USB1: variants seen among roughly 807,000 people sequenced by gnomAD.
USB1 encodes the protein U6 snRNA biogenesis phosphodiesterase 1.
In USB1, 21 loss-of-function variants were observed where a neutral mutation model predicts 29.9. The observed-to-expected ratio is 0.70, with a 90% CI of 0.50 to 1.01. The LOEUF (loss-of-function observed/expected upper bound fraction) is 1.01. USB1 is among the 50% of genes least tolerant of loss of function. The pLI, the probability that USB1 is intolerant of heterozygous loss-of-function variation, is 0.00. For synonymous variants in USB1, 143 were observed against 134.9 expected (o/e 1.06, Z -0.42); for missense variants, 330 against 347.1 (o/e 0.95, Z 0.39).
chr16:58,009,204 T>C (rs1963432838), intron 2 of USB1, among the ~76,000 whole-genome samples: 2 of 152,180 alleles, frequency 1.3e-5, no homozygotes, highest in Non-Finnish European at 2.9e-5. Flanking sequence ...AGAATCCTTC[T>C]GTAGTCCTGT....
intron 2 of USB1, among the ~76,000 whole-genome samples, chr16:58,008,635 T>G (rs1331565975): frequency 1.3e-5 from 2 of 152,034 alleles, no homozygotes; most frequent in East Asian, 3.8e-4. Flanking sequence ...GTATTTTTAG[T>G]AGAGACGGGG....
chr16:58,002,006 G>T (rs1963219372), intron 1 of USB1, among the ~76,000 whole-genome samples: 1 of 152,234 alleles, frequency 6.6e-6, no homozygotes, highest in Non-Finnish European at 1.5e-5. Flanking sequence ...ATTCAGTGGT[G>T]AACAAAACCG....
chr16:58,008,732 C>T (rs1963422276), intron 2 of USB1, among the ~76,000 whole-genome samples: 1 of 152,142 alleles, frequency 6.6e-6, no homozygotes, highest in African/African-American at 2.4e-5. Flanking sequence ...GAATTACAGG[C>T]GTGAGCCACC....
chr16:58,000,983 C>T (rs1346207091), upstream of USB1, among the ~76,000 whole-genome samples: 1 of 152,090 alleles, frequency 6.6e-6, no homozygotes, highest in African/African-American at 2.4e-5. The surrounding 1 kb of genome is among the most constrained non-coding windows in gnomAD (Gnocchi z 4.5). Context: ...CCTAGAGGCT[C>T]TGGTCTGCCA....
intron 2 of USB1, among the ~76,000 whole-genome samples, chr16:58,002,875 T>G (rs1427449749): frequency 6.6e-6 from 1 of 152,170 alleles, no homozygotes; most frequent in Non-Finnish European, 1.5e-5. Flanking sequence ...GGTATAATAT[T>G]CTCCCTGTTC....
chr16:58,020,347 C>A lies in USB1; in HGVS notation c.*102C>A, dbSNP rs772110530. The stretch of plus-strand genomic sequence containing the variant: ...TGCTTCTAGCCTCCCAGTAGGAGGC[C>A]CCAGCCATGCCTTCAACCTGGCAGG... On this transcript the variant is annotated 3_prime_UTR_variant, in exon 7 of 7. Coordinates refer to ENST00000219281, the MANE Select transcript of USB1 (RefSeq NM_024598.4). The A allele has an allele frequency of 2.1e-5, 23 of 1,082,234 alleles. No homozygotes were observed. Among genetic ancestry groups the A allele is most frequent in the Non-Finnish European group, 2.9e-5 (21 of 717,020 alleles). The allele number at this position is 1,082,234 out of a possible 1,614,324, so 67.0% of individuals were successfully genotyped here.
rs1006816334 is a variant in USB1 at position 58,012,780 on chromosome 16, TGC to T, written c.450-1490_450-1489del. 38 of 1,008,994 alleles carry T rather than the reference TGC, an allele frequency of 3.8e-5. No homozygotes were observed. The African/African-American group carries it at 6.5e-4, about 17-fold the overall frequency. The allele number at this position is 1,008,994 out of a possible 1,614,324, so 62.5% of individuals were successfully genotyped here. On this transcript the variant is annotated intron_variant, in intron 3 of 6. Transcript: ENST00000219281. ...GTGCTGATGACTGGCACACTGCACT[TGC>T]GCTAGGAAGACAGCATGAACTGCAC...
At position 58,017,442 on chromosome 16, in the gene USB1, A is replaced by G. The variant is rs1963643396; in HGVS notation, c.609+3A>G. Reference sequence around the variant, plus strand: ...TCAACCTCACCACTTTCTACCAGGTAATGAATGGGGCTGCTGCTTCTCCAT... The same window carrying G: ...TCAACCTCACCACTTTCTACCAGGTGATGAATGGGGCTGCTGCTTCTCCAT... On this transcript the variant is annotated splice_donor_region_variant and intron_variant, in intron 5 of 6. Transcript: ENST00000219281. 3 of 1,611,556 alleles carry G rather than the reference A, an allele frequency of 1.9e-6. No homozygotes were observed. Among genetic ancestry groups the G allele is most frequent in the African/African-American group, 2.7e-5 (2 of 74,992 alleles).
intron 3 of USB1, chr16:58,012,054 C>CA: frequency 7.8e-7 from 1 of 1,275,248 alleles, no homozygotes; most frequent in South Asian, 2.9e-5. Flanking sequence ...CAGAAATAAA[C>CA]AGTCTTCTAG....
Position 58,001,454 on chromosome 16 carries a change from A to G in USB1, c.-30A>G, listed in dbSNP as rs778195515. 1 of 1,577,092 alleles carries G rather than the reference A, an allele frequency of 6.3e-7. No individual in the cohort carries two copies. Among genetic ancestry groups the G allele is most frequent in the South Asian group, 1.2e-5 (1 of 86,218 alleles). On this transcript the variant is annotated 5_prime_UTR_variant, in exon 1 of 7. Transcript: ENST00000219281. ...GGGTGCCGGTTGAGGTTGCTGGTGG[A>G]CCTGCTCTGGTGGTCTTGGATGAGG...
At chr16:58,012,595 T>A (rs1792651830) in intron 3 of USB1, 2 of 1,387,494 alleles carry the variant, frequency 1.4e-6, no homozygotes, top group Non-Finnish European at 1.9e-6. Flanking sequence ...TCTGATTGGC[T>A]TCAGCACAAG....
chr16:58,012,866 C>G (rs766807078), intron 3 of USB1: 1 of 987,138 alleles, frequency 1.0e-6, no homozygotes, highest in African/African-American at 1.7e-5. Context: ...TAACTGGGCA[C>G]GAGTCCCTTG....
chr16:58,020,605 CTG>C lies in USB1; in HGVS notation c.*362_*363del. On this transcript the variant is annotated 3_prime_UTR_variant, in exon 7 of 7. Coordinates refer to ENST00000219281, the MANE Select transcript of USB1 (RefSeq NM_024598.4). ...TCTTCCTCTCCTCTCTCTACCCCTCCTGTCTCTCCTCCCCTCCTCTCTCTTCC... is the reference window on the plus strand; with the variant it reads ...TCTTCCTCTCCTCTCTCTACCCCTCCTCTCTCCTCCCCTCCTCTCTCTTCC... The C allele has an allele frequency of 3.0e-6, 1 of 334,308 alleles. No homozygotes were observed. Among genetic ancestry groups the C allele is most frequent in the Non-Finnish European group, 5.7e-6 (1 of 176,822 alleles). 20.7% of individuals were successfully genotyped at this position (334,308 alleles called of 1,614,324 possible). A position where few individuals can be genotyped will look rare whatever the true frequency, so the allele number is the denominator to read the frequency against.
At chr16:58,014,898 GA>G (rs1963579767) in intron 4 of USB1, among the ~76,000 whole-genome samples, 2 of 152,070 alleles carry the variant, frequency 1.3e-5, no homozygotes, top group Admixed American at 1.3e-4. Context: ...CTGACATGGC[GA>G]AACCCCATCT....
chr16:58,007,903 A>C (rs1477115592), intron 2 of USB1, among the ~76,000 whole-genome samples: 3 of 152,088 alleles, frequency 2.0e-5, no homozygotes, highest in Non-Finnish European at 4.4e-5. Context: ...GAATCGCTTG[A>C]ACCTGGGAGG....
At chr16:58,010,299 A>AC in intron 3 of USB1, 187 bp downstream of exon 3, 1 of 665,090 alleles carries the variant, frequency 1.5e-6, no homozygotes. Flanking sequence ...AGCTCTTGAC[A>AC]CCCCTGATGC....
At chr16:58,012,502 T>C in intron 3 of USB1, 1 of 1,190,664 alleles carries the variant, frequency 8.4e-7, no homozygotes, top group Non-Finnish European at 1.2e-6. Context: ...CCATCTCAGC[T>C]CTGTCCCCTT....
intron 4 of USB1, chr16:58,015,080 AAAATAAATAAAT>A (rs139957888): frequency 0.57 from 84,886 of 148,300 alleles, 24,652 homozygotes; most frequent in Middle Eastern, 0.68. Context: ...CTCTGTCTCA[AAAATAAATAAAT>A]AAATAAATAA....
At chr16:58,001,774 C>G (rs1963205565) in intron 1 of USB1, among the ~76,000 whole-genome samples, 193 bp downstream of exon 1, 1 of 151,728 alleles carries the variant, frequency 6.6e-6, no homozygotes, top group Non-Finnish European at 1.5e-5. Context: ...CAGAGTGGCC[C>G]CACCTGGCTA....
Sources: allele counts gnomAD v4.1 joint callset (sites outside exome capture counted in the v4.1 genomes callset), GRCh38; gene constraint gnomAD v4.1.1; non-coding constraint Gnocchi (gnomAD v3.1); transcripts MANE v1.5; gene names NCBI Gene and HGNC (gene_info 2026-07-23, HGNC 2026-07-21).